FAM120C: variants seen among roughly 807,000 people sequenced by gnomAD.
The protein encoded by FAM120C is family with sequence similarity 120 member C, also known as constitutive coactivator of PPAR-gamma-like protein 2.
Under a neutral mutation model 71.2 loss-of-function variants are expected in FAM120C, and 14 were observed. That is an observed-to-expected ratio of 0.20 (90% CI 0.13 to 0.31). FAM120C has a LOEUF of 0.31. Ranked by LOEUF, FAM120C falls within the 10% of genes least tolerant of loss-of-function variation. The pLI, the probability that FAM120C is intolerant of heterozygous loss-of-function variation, is 1.00. For synonymous variants in FAM120C, 354 were observed against 353.2 expected (o/e 1.00, Z -0.03); for missense variants, 500 against 879.0 (o/e 0.57, Z 5.45).
At chrX:54,161,940 T>C (rs1270340837) in intron 1 of FAM120C, among the ~76,000 whole-genome samples, 1 of 112,738 alleles carries the variant, frequency 8.9e-6, no homozygotes, top group Non-Finnish European at 1.9e-5. Flanking sequence ...CCTGGAACAA[T>C]GTCTTGAGTG....
intron 10 of FAM120C, among the ~76,000 whole-genome samples, chrX:54,112,076 T>C (rs1171054618): frequency 8.9e-6 from 1 of 112,074 alleles, no homozygotes. Flanking sequence ...GTTAGCTACA[T>C]GCAGAAGCAT....
At chrX:54,084,171 C>T (rs1426205315) in intron 13 of FAM120C, among the ~76,000 whole-genome samples, 1 of 111,900 alleles carries the variant, frequency 8.9e-6, no homozygotes, top group Non-Finnish European at 1.9e-5. Context: ...TTCCAAGAAC[C>T]TGGCTTAAAT....
intron 15 of FAM120C, among the ~76,000 whole-genome samples, chrX:54,075,441 G>A (rs988433758): frequency 3.6e-5 from 4 of 111,675 alleles, no homozygotes; most frequent in Non-Finnish European, 7.5e-5. Flanking sequence ...ACAAATGGAT[G>A]GAATTAGCCA....
chrX:54,096,241 T>A (rs1367211631), intron 10 of FAM120C, among the ~76,000 whole-genome samples: 1 of 107,532 alleles, frequency 9.3e-6, no homozygotes, highest in Admixed American at 1.0e-4. Flanking sequence ...TGAAACCCCA[T>A]CTCTACTAAA....
At chrX:54,154,062 G>A (rs1381306695) in intron 3 of FAM120C, among the ~76,000 whole-genome samples, 15 of 107,872 alleles carry the variant, frequency 1.4e-4, no homozygotes, top group Non-Finnish European at 3.8e-5. Context: ...TAAAAGGGTC[G>A]CTCTCCTGTT....
chrX:54,114,045 C>CAA (rs2066953557), intron 10 of FAM120C, among the ~76,000 whole-genome samples: 1 of 100,922 alleles, frequency 9.9e-6, no homozygotes, highest in Non-Finnish European at 2.2e-5. Flanking sequence ...GTGATACACA[C>CAA]ACACACACAC....
chrX:54,089,456 G>A (rs12688561), intron 11 of FAM120C, among the ~76,000 whole-genome samples: 14,256 of 110,772 alleles, frequency 0.13, 1,191 homozygotes, highest in African/African-American at 0.3. Context: ...TCTAGGACAA[G>A]CAATACTACA....
chrX:54,095,278 A>T, intron 10 of FAM120C, among the ~76,000 whole-genome samples: 1 of 108,205 alleles, frequency 9.2e-6, no homozygotes, highest in Admixed American at 1.0e-4. Flanking sequence ...TTCTATGTCT[A>T]TTTCTCATGC....
chrX:54,154,857 TG>T, intron 3 of FAM120C, among the ~76,000 whole-genome samples: 1 of 110,943 alleles, frequency 9.0e-6, no homozygotes, highest in East Asian at 2.8e-4. Context: ...AACGGACAGA[TG>T]GTATTTAAAG....
chrX:54,084,690 T>C (rs1249988676), intron 13 of FAM120C, among the ~76,000 whole-genome samples: 2 of 90,049 alleles, frequency 2.2e-5, no homozygotes, highest in Admixed American at 2.7e-4. Flanking sequence ...TTAGCCGGGC[T>C]GTGGACAGAG....
At position 54,156,209 on chromosome X, in the gene FAM120C, G is replaced by A. The variant is rs2067208408; in HGVS notation, c.1029+1480C>T. On this transcript the variant is annotated intron_variant, in intron 3 of 15. Transcript: ENST00000375180. ...GTATTAGAGGCTTGAGGACAGAGAA[G>A]GTATGAAACAGTCATCTAGGAGAAT... Among the ~76,000 whole-genome samples, 2 of 109,334 alleles carry A rather than the reference G, an allele frequency of 1.8e-5. 1 individual carries two copies. Among genetic ancestry groups the A allele is most frequent in the Admixed American group, 2.0e-4 (2 of 10,037 alleles). 94.9% of individuals were successfully genotyped at this position (109,334 alleles called of 115,157 possible). A position where few individuals can be genotyped will look rare whatever the true frequency, so the allele number is the denominator to read the frequency against.
intron 6 of FAM120C, 134 bp from the exon 7 acceptor site, chrX:54,135,245 T>C (rs1003648927): frequency 1.6e-6 from 1 of 627,049 alleles, no homozygotes; most frequent in Non-Finnish European, 2.4e-6. Flanking sequence ...ATGAGAATAA[T>C]GAGAAATGAT....
At chrX:54,164,355 C>G (rs1557134848) in intron 1 of FAM120C, among the ~76,000 whole-genome samples, 1 of 112,321 alleles carries the variant, frequency 8.9e-6, no homozygotes, top group African/African-American at 3.2e-5. Context: ...CAACGTATCT[C>G]CAGAATTTTT....
chrX:54,139,422 T>C (rs1417579790), intron 4 of FAM120C, among the ~76,000 whole-genome samples: 1 of 107,877 alleles, frequency 9.3e-6, no homozygotes, highest in African/African-American at 3.4e-5. Context: ...CTCGGCTCAC[T>C]GCAACCTCCT....
chrX:54,178,839 G>C (rs782732379), intron 1 of FAM120C, among the ~76,000 whole-genome samples: 2 of 111,793 alleles, frequency 1.8e-5, no homozygotes, highest in East Asian at 2.8e-4. Flanking sequence ...CCACCAACAT[G>C]ATTTCTGCCA....
chrX:54,089,952 T>C (rs1402406776), intron 11 of FAM120C, among the ~76,000 whole-genome samples: 1 of 108,125 alleles, frequency 9.2e-6, no homozygotes, highest in Non-Finnish European at 1.9e-5. Context: ...AGAGCGAAAC[T>C]CCATCTTGAA....
chrX:54,166,310 G>A (rs781943521), intron 1 of FAM120C, among the ~76,000 whole-genome samples: 3 of 111,937 alleles, frequency 2.7e-5, no homozygotes, highest in African/African-American at 9.7e-5. Context: ...TCTCTAGGGA[G>A]AGCGATTTGG....
chrX:54,083,516 T>C (rs1466075515), intron 13 of FAM120C, among the ~76,000 whole-genome samples: 1 of 105,472 alleles, frequency 9.5e-6, no homozygotes, highest in African/African-American at 3.5e-5. Context: ...ATGCTTGTAG[T>C]TCCAGCTATT....
At chrX:54,161,705 C>T (rs1557134442) in intron 1 of FAM120C, among the ~76,000 whole-genome samples, 1 of 112,506 alleles carries the variant, frequency 8.9e-6, no homozygotes. Context: ...GATCTCGGTT[C>T]AGTGCAACCT....
Sources: allele counts gnomAD v4.1 joint callset (sites outside exome capture counted in the v4.1 genomes callset), GRCh38; gene constraint gnomAD v4.1.1; transcripts MANE v1.5; gene names NCBI Gene and HGNC (gene_info 2026-07-23, HGNC 2026-07-21).